RNF169: variants seen among roughly 807,000 people sequenced by gnomAD.
RNF169 encodes E3 ubiquitin-protein ligase RNF169.
Under a neutral mutation model 53.9 loss-of-function variants are expected in RNF169, and 24 were observed. That is an observed-to-expected ratio of 0.45 (90% CI 0.32 to 0.63). RNF169 has a LOEUF of 0.63. Among genes scored for constraint, RNF169 ranks in the 20% least tolerant of loss-of-function variants. The pLI, the probability that RNF169 is intolerant of heterozygous loss-of-function variation, is 0.04. For synonymous variants in RNF169, 396 were observed against 363.5 expected, an observed-to-expected ratio of 1.09 and a Z score of -1.02; for missense variants, 883 against 906.2, an observed-to-expected ratio of 0.97 and a Z score of 0.33.
intron 1 of RNF169, among the ~76,000 whole-genome samples, chr11:74,787,358 T>C (rs772003128): frequency 9.9e-5 from 15 of 152,186 alleles, no homozygotes; most frequent in Non-Finnish European, 1.8e-4. Context: ...GAAATGCATA[T>C]GCATTTCATA....
At position 74,789,677 on chromosome 11, in the gene RNF169, A is replaced by G. The variant is rs370391556; in HGVS notation, c.554A>G (p.Glu185Gly). ...TTAAGCAAGCCTGGGGAACTTCGTG[A>G]GGAATATGAAAGCTTGAGAAAGGTA... ...IKLSKPGELR[E>G]EYESLRKLRE... The change falls in exon 2 of 6, where the codon GAG becomes GGG. Residue 185 changes from glutamate to glycine, a missense_variant. Physicochemically the swap from Glu to Gly is moderately conservative, Grantham distance 98. Transcript: ENST00000299563. 6.2e-7 allele frequency: 1 copy of G among 1,604,990 alleles called. No homozygotes were observed. The highest frequency in any genetic ancestry group is 8.5e-7 in the Non-Finnish European group (1 of 1,172,168).
intron 4 of RNF169, among the ~76,000 whole-genome samples, chr11:74,825,269 G>T (rs1389609212): frequency 6.6e-6 from 1 of 152,024 alleles, no homozygotes; most frequent in Non-Finnish European, 1.5e-5. Flanking sequence ...TGACCACAAT[G>T]GAATGAAACT....
chr11:74,818,570 T>G (rs536740591), intron 4 of RNF169, among the ~76,000 whole-genome samples: 11 of 152,244 alleles, frequency 7.2e-5, no homozygotes, highest in South Asian at 2.1e-4. Context: ...TTTAAAACGT[T>G]TTTTGTAGAG....
chr11:74,785,046 G>A (rs2035468183), intron 1 of RNF169, among the ~76,000 whole-genome samples: 2 of 151,318 alleles, frequency 1.3e-5, no homozygotes, highest in South Asian at 4.2e-4. Flanking sequence ...TACTACTACT[G>A]TTACTTTTAA....
chr11:74,750,897 T>A (rs1214341777), intron 1 of RNF169, among the ~76,000 whole-genome samples: 1 of 104,740 alleles, frequency 9.5e-6, no homozygotes, highest in Non-Finnish European at 1.8e-5. Context: ...TTTTTGAGAC[T>A]GAGTCTCACT....
At chr11:74,805,568 G>T (rs951168406) in intron 2 of RNF169, among the ~76,000 whole-genome samples, 1 of 152,126 alleles carries the variant, frequency 6.6e-6, no homozygotes, top group Admixed American at 6.5e-5. Flanking sequence ...TAAGTAGACT[G>T]AAAGGTCAAA....
chr11:74,807,717 A>G (rs557909234), intron 2 of RNF169: 2 of 152,348 alleles, frequency 1.3e-5, no homozygotes, highest in African/African-American at 4.8e-5. Flanking sequence ...TGCCTAGAAC[A>G]TAGAAGAGTT....
intron 2 of RNF169, among the ~76,000 whole-genome samples, chr11:74,805,776 T>C (rs2035794833): frequency 6.6e-6 from 1 of 152,158 alleles, no homozygotes; most frequent in African/African-American, 2.4e-5. Context: ...CGTGAGTTTA[T>C]CTATATGCAC....
rs563848740 is a variant in RNF169 at position 74,839,004 on chromosome 11, G to A, written c.*2274G>A. On this transcript the variant is annotated 3_prime_UTR_variant, in exon 6 of 6. Transcript: ENST00000299563. Reference sequence around the variant, plus strand: ...AATTGATTTTTGTCTTTGGTAAAAAGAAATATTTTTAATAGATAAAAGATA... The same window carrying A: ...AATTGATTTTTGTCTTTGGTAAAAAAAAATATTTTTAATAGATAAAAGATA... The A allele has an allele frequency of 5.3e-5, 8 of 152,098 alleles. No homozygotes were observed. The highest frequency in any genetic ancestry group is 1.0e-4 in the Non-Finnish European group (7 of 68,004). The allele number at this position is 152,098 out of a possible 1,614,324, so 9.4% of individuals were successfully genotyped here.
chr11:74,798,396 T>G (rs1409571103), intron 2 of RNF169, among the ~76,000 whole-genome samples: 1 of 152,192 alleles, frequency 6.6e-6, no homozygotes, highest in African/African-American at 2.4e-5. Flanking sequence ...AGAGATGCAA[T>G]AGACTTCAGT....
At chr11:74,819,020 T>C (rs1471028584) in intron 4 of RNF169, among the ~76,000 whole-genome samples, 3 of 152,128 alleles carry the variant, frequency 2.0e-5, no homozygotes, top group African/African-American at 4.8e-5. Flanking sequence ...TTCTTGTAAA[T>C]AGAGTGTAAC....
chr11:74,774,376 AAAC>A (rs1276803272), intron 1 of RNF169, among the ~76,000 whole-genome samples: 2 of 150,924 alleles, frequency 1.3e-5, no homozygotes, highest in Non-Finnish European at 3.0e-5. Flanking sequence ...AACAAGAAAC[AAAC>A]AAAAAAAAAC....
chr11:74,823,887 A>G (rs910771143), intron 4 of RNF169, among the ~76,000 whole-genome samples: 1 of 152,186 alleles, frequency 6.6e-6, no homozygotes, highest in African/African-American at 2.4e-5. Context: ...AATCAGTTCA[A>G]AAAAGTCACT....
intron 1 of RNF169, among the ~76,000 whole-genome samples, chr11:74,785,225 T>C (rs2035478888): frequency 9.8e-6 from 1 of 102,248 alleles, no homozygotes; most frequent in African/African-American, 5.4e-5. Context: ...ATATATGTTA[T>C]ATATATTATA....
At chr11:74,821,467 G>T (rs2036009076) in intron 4 of RNF169, among the ~76,000 whole-genome samples, 1 of 122,418 alleles carries the variant, frequency 8.2e-6, no homozygotes, top group South Asian at 2.8e-4. Context: ...GACCATCCCG[G>T]CTAAAATGGT....
intron 1 of RNF169, among the ~76,000 whole-genome samples, chr11:74,757,000 A>ATTTATTTTTATTTTTATT (rs6144395): frequency 2.0e-5 from 3 of 150,782 alleles, no homozygotes; most frequent in African/African-American, 7.4e-5. Flanking sequence ...TCTTTTATTT[A>ATTTATTTTTATTTTTATT]TTTATTTTTA....
In RNF169 at chr11:74,821,876, G is replaced by T. The variant is rs11827626; in HGVS notation, c.842+4162G>T. ...TGAATATACTAAAAACCATTACATC[G>T]TACACCTAAAAAAATAAAAAGAATA... On this transcript the variant is annotated intron_variant, in intron 4 of 5. Transcript: ENST00000299563. Among the ~76,000 whole-genome samples the T allele has an allele frequency of 9.9e-5, 15 of 151,782 alleles. 1 individual carries two copies. The highest frequency in any genetic ancestry group is 3.6e-4 in the African/African-American group (15 of 41,262).
At position 74,801,808 on chromosome 11, in the gene RNF169, A is replaced by G. The variant is rs143371808; in HGVS notation, c.577-8376A>G. On this transcript the variant is annotated intron_variant, in intron 2 of 5. Transcript: ENST00000299563. ...TTTAATAGAGACAACCTTATGGACT[A>G]TAAGTGTCTGATTTGTTAGATTTTT... Among the ~76,000 whole-genome samples, 20 of 152,330 alleles carry G rather than the reference A, an allele frequency of 1.3e-4. No individual in the cohort carries two copies. The East Asian group carries it at 2.7e-3, about 21-fold the overall frequency.
intron 1 of RNF169, among the ~76,000 whole-genome samples, chr11:74,762,852 C>G (rs1278037537): frequency 6.6e-6 from 1 of 152,158 alleles, no homozygotes; most frequent in African/African-American, 2.4e-5. Context: ...AGCCCTTGAA[C>G]CTATGCTGTA....
Sources: gnomAD v4.1 joint callset for allele counts (sites outside exome capture counted in the v4.1 genomes callset) on GRCh38, gnomAD v4.1.1 for gene constraint, MANE v1.5 for transcripts, NCBI Gene and HGNC (gene_info 2026-07-23, HGNC 2026-07-21) for gene names.